DAB1: variants seen among roughly 807,000 people sequenced by gnomAD.
The protein encoded by DAB1 is disabled homolog 1.
DAB1 carries 15 observed loss-of-function variants against 64.6 expected under a neutral mutation model. That is an observed-to-expected ratio of 0.23 (90% CI 0.16 to 0.36). The LOEUF is 0.36. Among genes scored for constraint, DAB1 ranks in the 10% least tolerant of loss-of-function variants. The probability of loss-of-function intolerance (pLI) is 1.00; values close to 1 mark genes in which losing one functional copy is unlikely to be tolerated. For synonymous variants in DAB1, 235 were observed against 251.9 expected (o/e 0.93, Z 0.64); for missense variants, 596 against 706.7 (o/e 0.84, Z 1.78).
intron 5 of DAB1, among the ~76,000 whole-genome samples, chr1:57,923,223 A>C (rs769799140): frequency 6.6e-6 from 1 of 152,132 alleles, no homozygotes; most frequent in Non-Finnish European, 1.5e-5. Context: ...TTTCCTGCCG[A>C]TATCAAATAG....
chr1:57,163,831 G>C (rs1013415093), intron 2 of DAB1, among the ~76,000 whole-genome samples: 1 of 152,206 alleles, frequency 6.6e-6, no homozygotes. Context: ...GAGCACCTTA[G>C]TGGAAGGCAG....
At chr1:58,442,390 C>T (rs1271675601) in intron 3 of DAB1, among the ~76,000 whole-genome samples, 1 of 152,166 alleles carries the variant, frequency 6.6e-6, no homozygotes, top group Non-Finnish European at 1.5e-5. Context: ...TATTGTTCAG[C>T]TGAGGGAGAG....
chr1:57,785,028 C>T (rs1211705237), intron 6 of DAB1, among the ~76,000 whole-genome samples: 2 of 152,040 alleles, frequency 1.3e-5, no homozygotes, highest in East Asian at 1.9e-4. Context: ...AAGTTGAAAC[C>T]AATACTCATT....
chr1:57,965,143 A>G (rs1053308984), intron 5 of DAB1, among the ~76,000 whole-genome samples: 10 of 151,226 alleles, frequency 6.6e-5, no homozygotes, highest in African/African-American at 2.4e-4. Context: ...TACAGAATCT[A>G]TAGAGAGACA....
chr1:57,353,471 A>G (rs1678788428), intron 1 of DAB1, among the ~76,000 whole-genome samples: 1 of 152,178 alleles, frequency 6.6e-6, no homozygotes, highest in Non-Finnish European at 1.5e-5. Flanking sequence ...AGAGCTTCCA[A>G]TAGACAACAG....
intron 7 of DAB1, among the ~76,000 whole-genome samples, chr1:57,588,006 C>A (rs149571944): frequency 3.9e-5 from 6 of 152,168 alleles, no homozygotes; most frequent in Non-Finnish European, 7.3e-5. Flanking sequence ...CACTTTGTTG[C>A]TCTCCTCTCT....
intron 1 of DAB1, among the ~76,000 whole-genome samples, chr1:57,301,219 C>A (rs1673621645): frequency 6.6e-6 from 1 of 152,116 alleles, no homozygotes; most frequent in African/African-American, 2.4e-5. Flanking sequence ...GTAAGCAGAC[C>A]CTGTAAATGC....
chr1:58,119,558 T>C (rs1270047871), intron 5 of DAB1, among the ~76,000 whole-genome samples: 1 of 152,240 alleles, frequency 6.6e-6, no homozygotes, highest in East Asian at 1.9e-4. Context: ...ATTTACATTT[T>C]TATAACAGGC....
intron 5 of DAB1, among the ~76,000 whole-genome samples, chr1:57,927,415 C>A (rs1196409334): frequency 2.0e-5 from 3 of 152,058 alleles, no homozygotes; most frequent in East Asian, 1.9e-4. Context: ...GGGAGGATCA[C>A]CTGAGCTTCT....
intron 6 of DAB1, among the ~76,000 whole-genome samples, chr1:57,802,514 T>C (rs1404659650): frequency 6.6e-6 from 1 of 152,150 alleles, no homozygotes; most frequent in Non-Finnish European, 1.5e-5. Flanking sequence ...ACGAATATTG[T>C]CTGTGATATG....
At chr1:57,141,236 C>T (rs1658563205) in intron 3 of DAB1, among the ~76,000 whole-genome samples, 1 of 152,092 alleles carries the variant, frequency 6.6e-6, no homozygotes, top group Non-Finnish European at 1.5e-5. Context: ...CTGTTTTTGA[C>T]CAGAGACTGA....
At chr1:57,899,275 A>G (rs1010902315) in intron 5 of DAB1, among the ~76,000 whole-genome samples, 6 of 152,124 alleles carry the variant, frequency 3.9e-5, no homozygotes, top group Non-Finnish European at 5.9e-5. Flanking sequence ...TCATAATTTC[A>G]TCTATGTGTA....
intron 1 of DAB1, among the ~76,000 whole-genome samples, chr1:57,342,894 A>C (rs1255797572): frequency 6.6e-6 from 1 of 152,196 alleles, no homozygotes; most frequent in Non-Finnish European, 1.5e-5. Context: ...TGAGTATTAC[A>C]GCTCATAAAG....
At chr1:57,876,039 T>A (rs909153761) in intron 1 of DAB1, 2 of 152,192 alleles carry the variant, frequency 1.3e-5, no homozygotes, top group African/African-American at 4.8e-5. Flanking sequence ...GCAGCATAAA[T>A]CAGTGACCAG....
intron 2 of DAB1, among the ~76,000 whole-genome samples, chr1:57,203,117 C>T (rs1665239849): frequency 2.0e-5 from 3 of 152,242 alleles, no homozygotes; most frequent in Non-Finnish European, 1.5e-5. Context: ...ACAGTGGGAA[C>T]AGAGGAACAC....
chr1:57,177,343 A>G (rs1333762563), intron 2 of DAB1, among the ~76,000 whole-genome samples: 2 of 152,156 alleles, frequency 1.3e-5, no homozygotes, highest in Admixed American at 6.6e-5. Flanking sequence ...TGTAGGATAA[A>G]CAGGTTAATA....
intron 4 of DAB1, among the ~76,000 whole-genome samples, chr1:58,159,633 C>G (rs1655415570): frequency 1.3e-5 from 2 of 152,218 alleles, no homozygotes; most frequent in African/African-American, 4.8e-5. Context: ...TGGTCATCAC[C>G]ATCTGTGACA....
chr1:57,334,185 G>A (rs1298979264), intron 1 of DAB1, among the ~76,000 whole-genome samples: 4 of 152,204 alleles, frequency 2.6e-5, no homozygotes, highest in African/African-American at 7.2e-5. Flanking sequence ...TGTGTGGCAG[G>A]AAAAGGCCTG....
At chr1:58,105,855 G>A (rs1211674121) in intron 5 of DAB1, among the ~76,000 whole-genome samples, 2 of 152,122 alleles carry the variant, frequency 1.3e-5, no homozygotes, top group East Asian at 1.9e-4. Flanking sequence ...CTTAGTTCAC[G>A]TAACCAGCAC....
Sources: allele counts gnomAD v4.1 joint callset (sites outside exome capture counted in the v4.1 genomes callset), GRCh38; gene constraint gnomAD v4.1.1; transcripts MANE v1.5; gene names NCBI Gene and HGNC (gene_info 2026-07-23, HGNC 2026-07-21).